The following EMP2 variants were observed in gnomAD, a reference collection of about 807,000 sequenced individuals.
EMP2 encodes the protein epithelial membrane protein 2.
In EMP2, 19 loss-of-function variants were observed where a neutral mutation model predicts 13.7. The ratio of observed to expected loss-of-function variants is 1.38; its 90% confidence interval spans 0.97 to 2.03. EMP2 has a LOEUF of 2.03. Ranked by LOEUF, EMP2 falls within the 30% of genes most tolerant of loss-of-function variation. The pLI is 0.00. For missense variants in EMP2, 253 were observed against 220.7 expected (o/e 1.15, Z -0.93); for synonymous variants, 97 against 84.7 (o/e 1.15, Z -0.80).
At position 10,550,641 on chromosome 16, in the gene EMP2, C is replaced by T. The variant is rs112869655; in HGVS notation, c.-60-2964G>A. On this transcript the variant is annotated intron_variant, in intron 1 of 4. Transcript: ENST00000359543. ...ACTTTGATCACTGGGTTGTGTTCTGCCAGATTCTTTCACTGTACATTTCCC... is the reference window on the plus strand; with the variant it reads ...ACTTTGATCACTGGGTTGTGTTCTGTCAGATTCTTTCACTGTACATTTCCC... Among the ~76,000 whole-genome samples, 196 of 152,210 alleles carry T rather than the reference C, an allele frequency of 1.3e-3. 3 individuals are homozygous for T. The highest frequency in any genetic ancestry group is 4.4e-3 in the African/African-American group (183 of 41,532).
chr16:10,532,958 C>T lies in EMP2; in HGVS notation c.451G>A (p.Ala151Thr), dbSNP rs143506635. The change falls in exon 5 of 5, where the codon GCC (alanine) becomes ACC (threonine). Residue 151 changes from alanine (A) to threonine (T), a missense_variant. By Grantham distance (58) the Ala-to-Thr change is moderately conservative. Coordinates refer to ENST00000359543, the MANE Select transcript of EMP2 (RefSeq NM_001424.6). Reference protein sequence around the residue: ...YSYILAWVAFACTFISGMMYL... With the variant: ...YSYILAWVAFTCTFISGMMYL... ...ATCATGCCGCTGATGAAGGTGCAGG[C>T]GAAGGCCACCCACGCCAGGATGTAG... 50 of 1,607,962 alleles carry T rather than the reference C, an allele frequency of 3.1e-5. No homozygotes were observed. Among genetic ancestry groups the T allele is most frequent in the Non-Finnish European group, 3.1e-5 (36 of 1,177,176 alleles).
chr16:10,531,148 A>G lies in EMP2; in HGVS notation c.*1757T>C, dbSNP rs1021786429. The G allele has an allele frequency of 2.7e-5, 4 of 150,514 alleles. No homozygotes were observed. Among genetic ancestry groups the G allele is most frequent in the African/African-American group, 9.8e-5 (4 of 40,748 alleles). The allele number at this position is 150,514 out of a possible 1,614,324, so 9.3% of individuals were successfully genotyped here. A position where few individuals can be genotyped will look rare whatever the true frequency, so the allele number is the denominator to read the frequency against. ...CACCACACCGGGCTAATTTTGTTGT[A>G]TTTTCGGTAGAGACGGGGTTTCACC... On this transcript the variant is annotated 3_prime_UTR_variant, in exon 5 of 5. Coordinates refer to ENST00000359543, the MANE Select transcript of EMP2 (RefSeq NM_001424.6).
At chr16:10,577,357 T>G (rs2050990567) in intron 1 of EMP2, among the ~76,000 whole-genome samples, 1 of 152,112 alleles carries the variant, frequency 6.6e-6, no homozygotes, top group Admixed American at 6.5e-5. Context: ...GGTGTCAGGT[T>G]ACCAGCCCGG....
rs772049295 is a variant in EMP2, at chr16:10,543,584, T to C, written c.155A>G (p.Asn52Ser). 71 of 1,614,264 alleles carry C rather than the reference T, an allele frequency of 4.4e-5. No homozygotes were observed. In the East Asian group the frequency reaches 5.8e-4, roughly 13 times the overall value. Residue 52 changes from asparagine (N) to serine (S), a missense_variant, in exon 3 of 5, where the codon AAT (asparagine) becomes AGT (serine). Asn to Ser is a conservative substitution (Grantham distance 46). Transcript: ENST00000359543. ...CTNNTNCTVI[N>S]DSFQEYSTLQ... Reference sequence around the variant, plus strand: ...TTCACACTTACCTTGAAAGCTGTCATTGATGACTGTGCAATTCGTGTTGTT... The same window carrying C: ...TTCACACTTACCTTGAAAGCTGTCACTGATGACTGTGCAATTCGTGTTGTT...
At chr16:10,572,279 G>C (rs1185028815) in intron 1 of EMP2, among the ~76,000 whole-genome samples, 1 of 151,882 alleles carries the variant, frequency 6.6e-6, no homozygotes, top group Non-Finnish European at 1.5e-5. Flanking sequence ...GACAAAGCAA[G>C]ACCCCAGTCT....
chr16:10,528,752 C>A lies in EMP2; in HGVS notation c.*4153G>T, dbSNP rs1032857526. On this transcript the variant is annotated 3_prime_UTR_variant, in exon 5 of 5. Coordinates refer to ENST00000359543, the MANE Select transcript of EMP2 (RefSeq NM_001424.6). ...CATTTCCCCAACACCACAAAATTGT[C>A]CAACTTGCTCTATTGTAAGTAACCT... 1 of 152,222 alleles carries A rather than the reference C, an allele frequency of 6.6e-6. No homozygotes were observed. Among genetic ancestry groups the A allele is most frequent in the Non-Finnish European group, 1.5e-5 (1 of 68,058 alleles). The allele number at this position is 152,222 out of a possible 1,614,324, so 9.4% of individuals were successfully genotyped here.
intron 1 of EMP2, among the ~76,000 whole-genome samples, chr16:10,578,888 G>A (rs530288589): frequency 3.9e-5 from 6 of 152,346 alleles, no homozygotes; most frequent in Non-Finnish European, 8.8e-5. Flanking sequence ...CAAGGCCCCC[G>A]TGGGCATCCA....
At position 10,535,463 on chromosome 16, in the gene EMP2, G is replaced by T. The variant is rs565410013; in HGVS notation, c.317-2371C>A. Among the ~76,000 whole-genome samples, 4 of 152,098 alleles carry T rather than the reference G, an allele frequency of 2.6e-5. No homozygotes were observed. The East Asian group carries it at 7.7e-4, about 29-fold the overall frequency. ...AAAATAAACTTCAGAAGCTGGGTGCGGTGGCTCATGCTCGGAATCCCAACA... is the reference window on the plus strand; with the variant it reads ...AAAATAAACTTCAGAAGCTGGGTGCTGTGGCTCATGCTCGGAATCCCAACA... On this transcript the variant is annotated intron_variant, in intron 4 of 4. Transcript: ENST00000359543.
intron 1 of EMP2, among the ~76,000 whole-genome samples, chr16:10,556,920 G>A (rs527345537): frequency 4.6e-5 from 7 of 152,328 alleles, no homozygotes; most frequent in African/African-American, 1.4e-4. Context: ...AGCAGAGAGG[G>A]CACAAGGCAG....
intron 1 of EMP2, among the ~76,000 whole-genome samples, chr16:10,568,820 C>T (rs1370300147): frequency 4.2e-5 from 5 of 119,572 alleles, no homozygotes; most frequent in African/African-American, 6.6e-5. Flanking sequence ...GAATTTCACT[C>T]GTGTCACCCA....
At chr16:10,579,349 G>A (rs553189284) in intron 1 of EMP2, among the ~76,000 whole-genome samples, 2 of 152,208 alleles carry the variant, frequency 1.3e-5, no homozygotes, top group Admixed American at 1.3e-4. Flanking sequence ...GGTGGCTAAA[G>A]GCGGCTTTTA....
intron 4 of EMP2, among the ~76,000 whole-genome samples, chr16:10,537,649 C>T (rs2050658480): frequency 6.6e-6 from 1 of 152,142 alleles, no homozygotes; most frequent in African/African-American, 2.4e-5. Flanking sequence ...GCGACTCCTA[C>T]TCACCCTCCA....
chr16:10,537,777 C>A (rs1169931170), intron 4 of EMP2, 151 bp downstream of exon 4: 1 of 920,448 alleles, frequency 1.1e-6, no homozygotes, highest in Non-Finnish European at 1.6e-6. Context: ...CACACACACA[C>A]ACACGCAAAC....
intron 1 of EMP2, among the ~76,000 whole-genome samples, chr16:10,575,234 A>ATTT (rs1261477826): frequency 2.2e-4 from 12 of 53,368 alleles, no homozygotes; most frequent in Non-Finnish European, 3.1e-4. Flanking sequence ...TGGAGCTTGC[A>ATTT]TTCTTTTTTT....
At chr16:10,546,528 T>C (rs1290563728) in intron 2 of EMP2, 1 of 152,206 alleles carries the variant, frequency 6.6e-6, no homozygotes, top group Non-Finnish European at 1.5e-5. Flanking sequence ...GCATGAGCTC[T>C]GCTGGGGAGG....
At chr16:10,558,985 A>G (rs1375684116) in intron 1 of EMP2, 1 of 152,160 alleles carries the variant, frequency 6.6e-6, no homozygotes, top group Non-Finnish European at 1.5e-5. Flanking sequence ...GGAACCTTTC[A>G]ATACAGACCT....
At position 10,536,028 on chromosome 16, in the gene EMP2, T is replaced by C. The variant is rs73502076; in HGVS notation, c.316+1900A>G. On this transcript the variant is annotated intron_variant, in intron 4 of 4. Transcript: ENST00000359543. The stretch of plus-strand genomic sequence containing the variant: ...AGAAAGGTCCCCGGAAGGACTGTGG[T>C]GGACTTGGGGGGTTCTCAAGATCAA... 4.2e-3 allele frequency among the ~76,000 whole-genome samples: 640 copies of C among 152,170 alleles called. 1 individual carries two copies. Among genetic ancestry groups the C allele is most frequent in the African/African-American group, 0.015 (603 of 41,494 alleles).
intron 1 of EMP2, among the ~76,000 whole-genome samples, chr16:10,563,562 CTG>C (rs2050887238): frequency 6.6e-6 from 1 of 152,206 alleles, no homozygotes; most frequent in Non-Finnish European, 1.5e-5. Flanking sequence ...GAGTTAAAGA[CTG>C]TACATCACTG....
At chr16:10,534,187 C>A (rs772359418) in intron 4 of EMP2, among the ~76,000 whole-genome samples, 2 of 152,064 alleles carry the variant, frequency 1.3e-5, no homozygotes, top group African/African-American at 4.8e-5. Context: ...AAATTGCTCT[C>A]CTTTCTCTTG....
Sources: allele counts gnomAD v4.1 joint callset (sites outside exome capture counted in the v4.1 genomes callset), GRCh38; gene constraint gnomAD v4.1.1; transcripts MANE v1.5; gene names NCBI Gene and HGNC (gene_info 2026-07-23, HGNC 2026-07-21).